Variants in CAPN14 observed in about 807,000 individuals in gnomAD.
CAPN14 encodes calpain 14, also known as calpain-14.
CAPN14 carries 94 observed loss-of-function variants against 101.3 expected under a neutral mutation model. The observed-to-expected ratio is 0.93, with a 90% CI of 0.79 to 1.10. CAPN14 has a LOEUF of 1.10. Among genes scored for constraint, CAPN14 ranks in the 50% least tolerant of loss-of-function variants. CAPN14 has a pLI of 0.00. For missense variants in CAPN14, 837 were observed against 828.4 expected (o/e 1.01, Z -0.13); for synonymous variants, 338 against 317.9 (o/e 1.06, Z -0.67).
chr2:31,179,300 T>G (rs1192755152), intron 17 of CAPN14, among the ~76,000 whole-genome samples: 9 of 152,034 alleles, frequency 5.9e-5, no homozygotes, highest in Admixed American at 5.9e-4. Context: ...AGTTCCCACC[T>G]ATAAGTGAGA....
chr2:31,187,855 G>C (rs770340477), intron 14 of CAPN14, 41 bp from the exon 15 acceptor site: 13 of 1,498,128 alleles, frequency 8.7e-6, no homozygotes, highest in Non-Finnish European at 1.2e-5. Flanking sequence ...TTATTCACCT[G>C]TATAAACGGA....
chr2:31,221,246 T>A (rs1173770238), upstream of CAPN14, among the ~76,000 whole-genome samples: 1 of 152,210 alleles, frequency 6.6e-6, no homozygotes, highest in Non-Finnish European at 1.5e-5. Flanking sequence ...TTCAAGAACA[T>A]TTATTCATAA....
intron 11 of CAPN14, 115 bp downstream of exon 11, chr2:31,191,820 C>A (rs1681195874): frequency 3.8e-6 from 4 of 1,064,784 alleles, no homozygotes; most frequent in Non-Finnish European, 5.3e-6. Flanking sequence ...GATTTGAAAA[C>A]CCAGGTCTGT....
At chr2:31,226,158 G>A (rs917057818) in intron 2 of CAPN14, among the ~76,000 whole-genome samples, 42 of 152,056 alleles carry the variant, frequency 2.8e-4, no homozygotes, top group African/African-American at 9.2e-4. Context: ...TCATTGAACC[G>A]AGAGAACTAG....
intron 2 of CAPN14, among the ~76,000 whole-genome samples, chr2:31,223,561 G>T (rs1302561552): frequency 8.1e-6 from 1 of 123,342 alleles, no homozygotes; most frequent in Admixed American, 8.4e-5. Flanking sequence ...TTTTTTTTGA[G>T]ATGGAGTCCC....
At chr2:31,215,457 T>C (rs972330108) in intron 1 of CAPN14, among the ~76,000 whole-genome samples, 3 of 152,144 alleles carry the variant, frequency 2.0e-5, no homozygotes, top group African/African-American at 4.8e-5. Context: ...GCTCTTGGTG[T>C]GTTAGTTCCT....
intron 21 of CAPN14, among the ~76,000 whole-genome samples, chr2:31,175,904 G>T (rs377646396): frequency 1.3e-5 from 2 of 152,216 alleles, no homozygotes; most frequent in African/African-American, 4.8e-5. Context: ...CACCTAAGCA[G>T]CTGCTCAATA....
intron 15 of CAPN14, among the ~76,000 whole-genome samples, chr2:31,186,816 A>G (rs577611123): frequency 4.5e-4 from 69 of 152,370 alleles, no homozygotes; most frequent in Non-Finnish European, 6.8e-4. Context: ...ATTTTAAAAT[A>G]TATCAGTGAA....
At chr2:31,189,598 G>A in intron 12 of CAPN14, 120 bp from the exon 13 acceptor site, 1 of 776,528 alleles carries the variant, frequency 1.3e-6, no homozygotes, top group South Asian at 1.5e-5. Flanking sequence ...AAATCCAATA[G>A]GCCCCAGTGG....
At position 31,197,324 on chromosome 2, in the gene CAPN14, T is replaced by G. The variant is rs1248575988; in HGVS notation, c.800A>C (p.Lys267Thr). The G allele has an allele frequency of 6.5e-7, 1 of 1,550,322 alleles. No homozygotes were observed. Among genetic ancestry groups the G allele is most frequent in the Non-Finnish European group, 8.7e-7 (1 of 1,145,428 alleles). ...TLTGIRKVTC[K>T]HRPEYLVKLR... ...CTTGACGAGATATTCAGGTCTATGT[T>G]TGCAGGTCACCTGCATAAAATGAGA... The change falls in exon 8 of 22, where the codon AAA (lysine) becomes ACA (threonine). Residue 267 changes from lysine to threonine, a missense_variant. Transcript: ENST00000403897.
intron 2 of CAPN14, among the ~76,000 whole-genome samples, chr2:31,226,069 T>C (rs1330440092): frequency 6.6e-6 from 1 of 152,188 alleles, no homozygotes; most frequent in African/African-American, 2.4e-5. Context: ...AATAGATAAC[T>C]CTGAAATAAG....
chr2:31,190,871 T>A (rs1681144184), intron 12 of CAPN14, among the ~76,000 whole-genome samples: 1 of 152,178 alleles, frequency 6.6e-6, no homozygotes, highest in Non-Finnish European at 1.5e-5. Context: ...CCTTGGGCCT[T>A]CCTACCTGAC....
chr2:31,179,749 C>T (rs949237949), intron 17 of CAPN14, among the ~76,000 whole-genome samples: 6 of 152,108 alleles, frequency 3.9e-5, no homozygotes, highest in African/African-American at 1.2e-4. Context: ...TTTTAATGAT[C>T]GCCATTCTAA....
At chr2:31,223,542 C>CTTTTTTTT (rs35488335) in intron 2 of CAPN14, among the ~76,000 whole-genome samples, 3 of 132,074 alleles carry the variant, frequency 2.3e-5, no homozygotes, top group African/African-American at 8.8e-5. Flanking sequence ...TTTTTCTTTT[C>CTTTTTTTT]TTTTTTTTTT....
chr2:31,226,251 T>G (rs549592831), intron 2 of CAPN14, among the ~76,000 whole-genome samples: 1 of 152,218 alleles, frequency 6.6e-6, no homozygotes. Flanking sequence ...TTTTTAAATA[T>G]CCCACGCTCA....
chr2:31,231,134 C>G (rs1224647920), intron 1 of CAPN14, among the ~76,000 whole-genome samples: 2 of 150,404 alleles, frequency 1.3e-5, no homozygotes, highest in Non-Finnish European at 2.9e-5. Context: ...CCTTCCCCTT[C>G]CACCTCTCCC....
chr2:31,203,879 T>C (rs888363510), intron 2 of CAPN14, among the ~76,000 whole-genome samples: 1 of 152,216 alleles, frequency 6.6e-6, no homozygotes, highest in Non-Finnish European at 1.5e-5. Flanking sequence ...TGAAATCTTG[T>C]AGGTAAATCA....
chr2:31,174,381 G>C lies in CAPN14; in HGVS notation c.*300C>G, dbSNP rs969222275. ...ATGGAGGCTAACCACACCAGCTCTG[G>C]AGTCAGAATGCTTAGGCCATGTCAG... On this transcript the variant is annotated 3_prime_UTR_variant, in exon 22 of 22. Transcript: ENST00000403897. 1.9e-6 allele frequency: 1 copy of C among 529,350 alleles called. No individual in the cohort carries two copies. The highest frequency in any genetic ancestry group is 3.3e-5 in the East Asian group (1 of 30,394). 32.8% of individuals were successfully genotyped at this position (529,350 alleles called of 1,614,324 possible).
intron 1 of CAPN14, among the ~76,000 whole-genome samples, chr2:31,211,430 G>T (rs1682397696): frequency 6.6e-6 from 1 of 151,986 alleles, no homozygotes; most frequent in African/African-American, 2.4e-5. Flanking sequence ...AAACTCGGTG[G>T]TATTCTTTTT....
Sources: allele counts gnomAD v4.1 joint callset (sites outside exome capture counted in the v4.1 genomes callset), GRCh38; gene constraint gnomAD v4.1.1; transcripts MANE v1.5; gene names NCBI Gene and HGNC (gene_info 2026-07-23, HGNC 2026-07-21).